Variants in SLC44A5 observed in about 807,000 individuals in gnomAD.
SLC44A5 encodes choline transporter-like protein 5.
In SLC44A5, 57 loss-of-function variants were observed where a neutral mutation model predicts 101.8. That is an observed-to-expected ratio of 0.56 (90% CI 0.45 to 0.70). SLC44A5 has a LOEUF of 0.70. Among genes scored for constraint, SLC44A5 ranks in the 30% least tolerant of loss-of-function variants. The pLI, the probability that SLC44A5 is intolerant of heterozygous loss-of-function variation, is 0.00. For synonymous variants in SLC44A5, 281 were observed against 290.9 expected, an observed-to-expected ratio of 0.97 and a Z score of 0.35; for missense variants, 737 against 853.1, an observed-to-expected ratio of 0.86 and a Z score of 1.70.
At chr1:75,433,208 T>C (rs1180823697) in intron 2 of SLC44A5, among the ~76,000 whole-genome samples, 1 of 152,112 alleles carries the variant, frequency 6.6e-6, no homozygotes, top group Non-Finnish European at 1.5e-5. Flanking sequence ...ATGGATTAAA[T>C]GGGTAAAGAG....
chr1:75,335,100 T>TA (rs1183774209), intron 4 of SLC44A5, among the ~76,000 whole-genome samples: 1 of 152,220 alleles, frequency 6.6e-6, no homozygotes, highest in Non-Finnish European at 1.5e-5. Flanking sequence ...CCAAATGCTT[T>TA]AGCATGGTAT....
chr1:75,677,243 AG>A, the SLC44A5 span, among the ~76,000 whole-genome samples: 1 of 152,228 alleles, frequency 6.6e-6, no homozygotes, highest in South Asian at 2.1e-4. Context: ...CTACTTGAGT[AG>A]AAGGGCTAAA....
intron 2 of SLC44A5, among the ~76,000 whole-genome samples, chr1:75,426,985 C>A (rs1484664709): frequency 6.6e-6 from 1 of 152,212 alleles, no homozygotes; most frequent in Non-Finnish European, 1.5e-5. Context: ...AGGATCCCAG[C>A]ACCACTTGGT....
At chr1:75,284,738 A>G (rs777855819) in intron 5 of SLC44A5, among the ~76,000 whole-genome samples, 1 of 152,102 alleles carries the variant, frequency 6.6e-6, no homozygotes, top group Non-Finnish European at 1.5e-5. Flanking sequence ...AATTTTATCA[A>G]ATGCTTTTCC....
the SLC44A5 span, among the ~76,000 whole-genome samples, chr1:75,716,876 C>CA: frequency 1.3e-5 from 2 of 151,206 alleles, no homozygotes; most frequent in Admixed American, 6.6e-5. Context: ...TACTAAAATA[C>CA]AAAAAAAATT....
chr1:75,636,681 G>C, the SLC44A5 span, among the ~76,000 whole-genome samples: 2 of 151,902 alleles, frequency 1.3e-5, no homozygotes, highest in African/African-American at 4.8e-5. Flanking sequence ...ATCCAGATAA[G>C]AAACAAAGAA....
chr1:75,468,955 C>T (rs781450557), intron 2 of SLC44A5, among the ~76,000 whole-genome samples: 1 of 152,036 alleles, frequency 6.6e-6, no homozygotes, highest in Admixed American at 6.6e-5. Context: ...TATACACCTG[C>T]TATGTACCCA....
At chr1:75,555,909 A>T (rs573678909) in intron 1 of SLC44A5, among the ~76,000 whole-genome samples, 71 of 152,282 alleles carry the variant, frequency 4.7e-4, no homozygotes, top group African/African-American at 1.6e-3. Flanking sequence ...TTGCAACAAC[A>T]TAGATGAATC....
intron 2 of SLC44A5, among the ~76,000 whole-genome samples, chr1:75,401,362 T>C (rs111837979): frequency 3.3e-5 from 5 of 152,068 alleles, no homozygotes; most frequent in South Asian, 2.1e-4. Flanking sequence ...ATCAGGATGA[T>C]AGATCTTAAG....
the SLC44A5 span, among the ~76,000 whole-genome samples, chr1:75,642,288 G>A: frequency 6.6e-6 from 1 of 152,026 alleles, no homozygotes; most frequent in Admixed American, 6.6e-5. Context: ...TTGCTTCATT[G>A]TTGATATCAA....
the SLC44A5 span, among the ~76,000 whole-genome samples, chr1:75,702,328 A>C: frequency 9.8e-5 from 15 of 152,342 alleles, no homozygotes; most frequent in South Asian, 2.1e-4. Flanking sequence ...TCAATGGAAC[A>C]GAACAGAGCC....
intron 1 of SLC44A5, among the ~76,000 whole-genome samples, chr1:75,606,204 T>C (rs1331331411): frequency 6.6e-6 from 1 of 151,994 alleles, no homozygotes; most frequent in Non-Finnish European, 1.5e-5. Flanking sequence ...TCTGGAAACT[T>C]TTTCCTACTA....
chr1:75,409,662 T>C (rs1223431663), intron 2 of SLC44A5, among the ~76,000 whole-genome samples: 1 of 152,108 alleles, frequency 6.6e-6, no homozygotes, highest in East Asian at 1.9e-4. Context: ...TTTAGAATAA[T>C]TATTTTTAAA....
intron 2 of SLC44A5, among the ~76,000 whole-genome samples, chr1:75,516,007 T>A (rs1289919616): frequency 6.6e-6 from 1 of 152,196 alleles, no homozygotes; most frequent in Non-Finnish European, 1.5e-5. Context: ...ATTAGCAATG[T>A]CGAGTATTAA....
intron 3 of SLC44A5, among the ~76,000 whole-genome samples, chr1:75,348,162 T>TTCTCTCTCTCTC (rs147599378): frequency 6.7e-6 from 1 of 149,526 alleles, no homozygotes; most frequent in Non-Finnish European, 1.5e-5. Context: ...CTCTCTCTCT[T>TTCTCTCTCTCTC]TCTCTCTCTC....
At chr1:75,718,901 T>C in the SLC44A5 span, among the ~76,000 whole-genome samples, 9 of 152,232 alleles carry the variant, frequency 5.9e-5, no homozygotes, top group Non-Finnish European at 7.3e-5. Flanking sequence ...TCTCTCTATA[T>C]GAGTTCTCCC....
intron 2 of SLC44A5, among the ~76,000 whole-genome samples, chr1:75,483,111 TA>T (rs1667964319): frequency 6.6e-6 from 1 of 152,280 alleles, no homozygotes; most frequent in African/African-American, 2.4e-5. Flanking sequence ...TGTAAACATT[TA>T]GAGAGGAAAG....
At chr1:75,472,868 T>A (rs1014046914) in intron 2 of SLC44A5, among the ~76,000 whole-genome samples, 1 of 152,152 alleles carries the variant, frequency 6.6e-6, no homozygotes, top group Admixed American at 6.5e-5. Flanking sequence ...TATACTTAAA[T>A]CCTTCTCATA....
At chr1:75,541,729 C>T (rs373620911) in intron 1 of SLC44A5, among the ~76,000 whole-genome samples, 7 of 152,242 alleles carry the variant, frequency 4.6e-5, no homozygotes, top group African/African-American at 1.7e-4. Context: ...AAATGAAATT[C>T]TTAGTGCCAC....
Sources: gnomAD v4.1 joint callset for allele counts (sites outside exome capture counted in the v4.1 genomes callset) on GRCh38, gnomAD v4.1.1 for gene constraint, MANE v1.5 for transcripts, NCBI Gene and HGNC (gene_info 2026-07-23, HGNC 2026-07-21) for gene names.